The following IQCJ variants were observed in gnomAD, a reference collection of about 807,000 sequenced individuals.
The protein encoded by IQCJ is IQ domain-containing protein J.
In IQCJ, 9 loss-of-function variants were observed where a neutral mutation model predicts 11.0. That is an observed-to-expected ratio of 0.82 (90% CI 0.49 to 1.43). IQCJ has a LOEUF of 1.43. IQCJ is among the 40% of genes most tolerant of loss of function. The pLI, the probability that IQCJ is intolerant of heterozygous loss-of-function variation, is 0.00. For missense variants in IQCJ, 146 were observed against 133.2 expected, an observed-to-expected ratio of 1.10 and a Z score of -0.47; for synonymous variants, 55 against 51.3, an observed-to-expected ratio of 1.07 and a Z score of -0.31.
chr3:159,113,716 G>A (rs990410327), intron 1 of IQCJ, among the ~76,000 whole-genome samples: 1 of 152,138 alleles, frequency 6.6e-6, no homozygotes, highest in Non-Finnish European at 1.5e-5. Context: ...GAGGCAGAGT[G>A]GAGAAAGCAT....
chr3:159,148,628 CCTCTTATA>C (rs1341447612), intron 1 of IQCJ, among the ~76,000 whole-genome samples: 1 of 152,170 alleles, frequency 6.6e-6, no homozygotes, highest in Non-Finnish European at 1.5e-5. Context: ...GTCCTATTTA[CCTCTTATA>C]GGTACCATCT....
chr3:159,078,294 A>G (rs1414816191), intron 1 of IQCJ, among the ~76,000 whole-genome samples: 1 of 152,054 alleles, frequency 6.6e-6, no homozygotes, highest in East Asian at 1.9e-4. Flanking sequence ...GCTATATAAA[A>G]GTTACATTGC....
intron 1 of IQCJ, among the ~76,000 whole-genome samples, chr3:159,071,001 T>C (rs1037253136): frequency 1.3e-5 from 2 of 152,000 alleles, no homozygotes; most frequent in Non-Finnish European, 2.9e-5. Context: ...ATTGTAAACT[T>C]CAGTAAAATA....
intron 1 of IQCJ, among the ~76,000 whole-genome samples, chr3:159,086,930 C>T (rs1011915099): frequency 5.3e-5 from 8 of 151,982 alleles, no homozygotes; most frequent in East Asian, 1.9e-4. Context: ...GCCTAATTGC[C>T]CTGGCCAAAA....
chr3:159,257,345 C>CGGTGT (rs1727952377), intron 3 of IQCJ, among the ~76,000 whole-genome samples: 1 of 152,164 alleles, frequency 6.6e-6, no homozygotes, highest in African/African-American at 2.4e-5. Context: ...TTCTGAAGCA[C>CGGTGT]CTTCTCAGTC....
At chr3:159,161,745 C>A (rs373843925) in intron 1 of IQCJ, among the ~76,000 whole-genome samples, 27 of 151,872 alleles carry the variant, frequency 1.8e-4, no homozygotes, top group Admixed American at 7.9e-4. Context: ...AGCTTTCTAC[C>A]TATGGCTAGC....
chr3:159,262,784 T>A lies in IQCJ; in HGVS notation c.*53T>A. On this transcript the variant is annotated 3_prime_UTR_variant, in exon 4 of 4. Transcript: ENST00000397832. ...AATCTTGGGATGTGAGCAGGTGGTTTGTGACAGTGAAGATCTATGTAGCTT... is the reference window on the plus strand; with the variant it reads ...AATCTTGGGATGTGAGCAGGTGGTTAGTGACAGTGAAGATCTATGTAGCTT... 1 of 1,577,254 alleles carries A rather than the reference T, an allele frequency of 6.3e-7. No homozygotes were observed. The highest frequency in any genetic ancestry group is 8.6e-7 in the Non-Finnish European group (1 of 1,158,390).
chr3:159,149,941 T>G (rs1721115195), intron 1 of IQCJ, among the ~76,000 whole-genome samples: 1 of 152,192 alleles, frequency 6.6e-6, no homozygotes, highest in Admixed American at 6.5e-5. Context: ...CCAAAGTCCT[T>G]TAAGTTCTCC....
chr3:159,257,486 G>C (rs1049648745), intron 3 of IQCJ, among the ~76,000 whole-genome samples: 2 of 152,158 alleles, frequency 1.3e-5, no homozygotes, highest in Non-Finnish European at 1.5e-5. Flanking sequence ...AGAGCCAAGA[G>C]AGCATAGGCC....
At chr3:159,096,562 C>T (rs1460395756) in intron 1 of IQCJ, among the ~76,000 whole-genome samples, 1 of 38,518 alleles carries the variant, frequency 2.6e-5, no homozygotes, top group Admixed American at 2.5e-4. Context: ...AGGAAGGGAT[C>T]CAGTTTCAGC....
intron 1 of IQCJ, among the ~76,000 whole-genome samples, chr3:159,146,910 T>G (rs1411174905): frequency 6.6e-6 from 1 of 152,190 alleles, no homozygotes; most frequent in Non-Finnish European, 1.5e-5. Flanking sequence ...TCATTACTAT[T>G]AAAAATACAC....
At chr3:159,094,601 A>G (rs998598310) in intron 1 of IQCJ, among the ~76,000 whole-genome samples, 2 of 151,662 alleles carry the variant, frequency 1.3e-5, no homozygotes, top group Admixed American at 1.3e-4. Context: ...TACAAAATGG[A>G]GAGAGCCAAT....
intron 1 of IQCJ, among the ~76,000 whole-genome samples, chr3:159,241,383 C>T (rs998742717): frequency 6.6e-6 from 1 of 151,058 alleles, no homozygotes; most frequent in Admixed American, 6.6e-5. Flanking sequence ...TACTCCAGCC[C>T]GGGTGACAGA....
intron 1 of IQCJ, among the ~76,000 whole-genome samples, chr3:159,229,660 G>T: frequency 7.1e-6 from 1 of 141,378 alleles, no homozygotes; most frequent in African/African-American, 2.7e-5. Flanking sequence ...TTAATTTCAT[G>T]CTTTCTGTGT....
intron 1 of IQCJ, among the ~76,000 whole-genome samples, chr3:159,113,302 A>G (rs1718748032): frequency 6.6e-6 from 1 of 152,250 alleles, no homozygotes; most frequent in Non-Finnish European, 1.5e-5. Flanking sequence ...AGATAATTAA[A>G]AGAAAAACAG....
chr3:159,246,011 T>A (rs138062711), intron 2 of IQCJ, 104 bp downstream of exon 2: 2 of 868,544 alleles, frequency 2.3e-6, no homozygotes, highest in Non-Finnish European at 3.5e-6. Flanking sequence ...CAGTTTCTTA[T>A]GTTATCATTG....
At chr3:159,250,866 T>A (rs558609724) in intron 2 of IQCJ, among the ~76,000 whole-genome samples, 1 of 152,348 alleles carries the variant, frequency 6.6e-6, no homozygotes, top group Admixed American at 6.5e-5. Context: ...CCTTTAATAA[T>A]ATCTGTCACA....
chr3:159,130,848 T>C (rs958218249), intron 1 of IQCJ, among the ~76,000 whole-genome samples: 2 of 152,178 alleles, frequency 1.3e-5, no homozygotes, highest in African/African-American at 4.8e-5. Context: ...TCTATAGAAA[T>C]ATAGTTTTTT....
intron 1 of IQCJ, among the ~76,000 whole-genome samples, chr3:159,094,027 T>C (rs866455553): frequency 6.6e-6 from 1 of 151,752 alleles, no homozygotes; most frequent in African/African-American, 2.4e-5. Flanking sequence ...ATACAGGTAA[T>C]TAGTTGGTTA....
Sources: allele counts gnomAD v4.1 joint callset (sites outside exome capture counted in the v4.1 genomes callset), GRCh38; gene constraint gnomAD v4.1.1; transcripts MANE v1.5; gene names NCBI Gene and HGNC (gene_info 2026-07-23, HGNC 2026-07-21).